The following DSCAM variants were observed in gnomAD, a reference collection of about 807,000 sequenced individuals.
DSCAM encodes DS cell adhesion molecule, also known as cell adhesion molecule DSCAM.
A neutral mutation model predicts 217.7 loss-of-function variants in DSCAM; 47 were observed. That is an observed-to-expected ratio of 0.22 (90% CI 0.17 to 0.28). DSCAM has a LOEUF of 0.28. DSCAM is among the 10% of genes least tolerant of loss of function. The probability of loss-of-function intolerance (pLI) is 1.00; values close to 1 mark genes in which losing one functional copy is unlikely to be tolerated. For synonymous variants in DSCAM, 1,056 were observed against 1,015.3 expected, an observed-to-expected ratio of 1.04 and a Z score of -0.76; for missense variants, 2,080 against 2,618.3, an observed-to-expected ratio of 0.79 and a Z score of 4.49.
intron 11 of DSCAM, among the ~76,000 whole-genome samples, chr21:40,264,286 A>G (rs2073493039): frequency 6.6e-6 from 1 of 152,218 alleles, no homozygotes; most frequent in South Asian, 2.1e-4. Context: ...ATGAATACAG[A>G]TGCAAAAATT....
chr21:40,407,081 A>G (rs1203299318), intron 3 of DSCAM, among the ~76,000 whole-genome samples: 1 of 152,210 alleles, frequency 6.6e-6, no homozygotes, highest in Non-Finnish European at 1.5e-5. Context: ...CAACATAGCA[A>G]CTATAGTTAA....
At chr21:40,030,699 G>A (rs970296607) in intron 32 of DSCAM, among the ~76,000 whole-genome samples, 2 of 152,166 alleles carry the variant, frequency 1.3e-5, no homozygotes, top group Non-Finnish European at 2.9e-5. Flanking sequence ...CTAAATATTG[G>A]CATGTGCTAA....
chr21:40,061,975 A>T (rs2089130157), intron 28 of DSCAM, among the ~76,000 whole-genome samples: 1 of 152,184 alleles, frequency 6.6e-6, no homozygotes, highest in Non-Finnish European at 1.5e-5. Flanking sequence ...TCATGTAATC[A>T]TTGCAATATG....
chr21:40,436,095 C>T lies in DSCAM; in HGVS notation c.509-66850G>A, dbSNP rs982194313. On this transcript the variant is annotated intron_variant, in intron 3 of 32. Transcript: ENST00000400454. ...TTCAATATGTTAGGCATATTAAATG[C>T]ATTTTCAGCTTAAGATATTTTCAAT... Among the ~76,000 whole-genome samples the T allele has an allele frequency of 2.0e-5, 3 of 152,284 alleles. No homozygotes were observed. The Middle Eastern group carries it at 0.01, about 518-fold the overall frequency.
At chr21:40,254,435 G>T (rs1375763344) in intron 11 of DSCAM, among the ~76,000 whole-genome samples, 1 of 152,168 alleles carries the variant, frequency 6.6e-6, no homozygotes, top group African/African-American at 2.4e-5. Flanking sequence ...ATTCCTCTAA[G>T]CAAGAAAGGA....
chr21:40,509,985 G>A (rs538551613), intron 3 of DSCAM, among the ~76,000 whole-genome samples: 3 of 152,130 alleles, frequency 2.0e-5, no homozygotes, highest in South Asian at 4.2e-4. Context: ...TTAGCCAGGC[G>A]TGGTGGCACA....
intron 5 of DSCAM, among the ~76,000 whole-genome samples, chr21:40,352,705 C>T (rs1432912906): frequency 2.6e-5 from 4 of 152,160 alleles, no homozygotes; most frequent in Non-Finnish European, 5.9e-5. Flanking sequence ...GCAACTAAGA[C>T]CTCCTCTCTG....
intron 5 of DSCAM, among the ~76,000 whole-genome samples, chr21:40,351,290 T>C (rs1268990269): frequency 6.6e-6 from 1 of 152,098 alleles, no homozygotes; most frequent in Non-Finnish European, 1.5e-5. Context: ...ACCCAACATT[T>C]CATGTTTGCA....
chr21:40,128,210 G>A (rs1469296906), intron 19 of DSCAM, among the ~76,000 whole-genome samples: 1 of 148,422 alleles, frequency 6.7e-6, no homozygotes, highest in Non-Finnish European at 1.5e-5. Context: ...TTTAGTTCCT[G>A]GGCCAGTATC....
intron 3 of DSCAM, among the ~76,000 whole-genome samples, chr21:40,391,105 T>C (rs1200485205): frequency 2.0e-5 from 3 of 152,208 alleles, no homozygotes; most frequent in Non-Finnish European, 4.4e-5. Flanking sequence ...CATGAAATCA[T>C]TGTGCTCCTT....
intron 10 of DSCAM, among the ~76,000 whole-genome samples, chr21:40,288,615 T>G (rs1034068219): frequency 6.6e-6 from 1 of 152,174 alleles, no homozygotes; most frequent in Admixed American, 6.5e-5. Context: ...ACTCCAGTAT[T>G]CACATTTTCC....
intron 1 of DSCAM, among the ~76,000 whole-genome samples, chr21:40,813,342 T>C (rs2091854784): frequency 6.6e-6 from 1 of 152,016 alleles, no homozygotes; most frequent in Non-Finnish European, 1.5e-5. Flanking sequence ...AAGACAGGGG[T>C]ATTATTTGGG....
At chr21:40,206,961 T>C (rs2091133332) in intron 11 of DSCAM, among the ~76,000 whole-genome samples, 1 of 152,140 alleles carries the variant, frequency 6.6e-6, no homozygotes, top group Non-Finnish European at 1.5e-5. Context: ...TATTTTCCAT[T>C]TCAAGAAAAG....
intron 2 of DSCAM, among the ~76,000 whole-genome samples, chr21:40,697,869 T>C (rs914426690): frequency 2.3e-4 from 35 of 152,338 alleles, no homozygotes; most frequent in African/African-American, 8.4e-4. Context: ...TCTATTTCTG[T>C]GAAGAATGTC....
intron 16 of DSCAM, among the ~76,000 whole-genome samples, chr21:40,161,756 T>C (rs1204957096): frequency 1.3e-5 from 2 of 152,208 alleles, no homozygotes; most frequent in Non-Finnish European, 2.9e-5. Context: ...AATAAGGCTA[T>C]TATAAAACCA....
chr21:40,256,121 T>G (rs1442254585), intron 11 of DSCAM, among the ~76,000 whole-genome samples: 2 of 152,240 alleles, frequency 1.3e-5, no homozygotes, highest in African/African-American at 4.8e-5. Context: ...TTTAAAACTC[T>G]GTATTCCCAA....
At chr21:40,349,361 G>A (rs560250159) in intron 5 of DSCAM, among the ~76,000 whole-genome samples, 7 of 151,686 alleles carry the variant, frequency 4.6e-5, no homozygotes, top group South Asian at 2.1e-4. Flanking sequence ...TTGTGACCAC[G>A]AAACAGAGTT....
At position 40,491,678 on chromosome 21, in the gene DSCAM, G is replaced by A. The variant is rs557731886; in HGVS notation, c.509-122433C>T. On this transcript the variant is annotated intron_variant, in intron 3 of 32. Transcript: ENST00000400454. ...CAATTCATTCAACCCAGGCACACTG[G>A]CCTTTGTGCTGTTTCTGCAACATGC... is the stretch of plus-strand genomic sequence containing the variant. 3.6e-4 allele frequency among the ~76,000 whole-genome samples: 54 copies of A among 152,066 alleles called. 1 individual carries two copies. Among genetic ancestry groups the A allele is most frequent in the Admixed American group, 3.3e-3 (50 of 15,264 alleles).
chr21:40,839,556 C>T (rs1370438196), intron 1 of DSCAM, among the ~76,000 whole-genome samples: 1 of 152,140 alleles, frequency 6.6e-6, no homozygotes, highest in Non-Finnish European at 1.5e-5. Flanking sequence ...CTAACATAGA[C>T]TTAAAGACTG....
Sources: gnomAD v4.1 joint callset for allele counts (sites outside exome capture counted in the v4.1 genomes callset) on GRCh38, gnomAD v4.1.1 for gene constraint, MANE v1.5 for transcripts, NCBI Gene and HGNC (gene_info 2026-07-23, HGNC 2026-07-21) for gene names.